Variants in ARRB1 observed in about 807,000 individuals in gnomAD.
ARRB1 encodes the protein arrestin beta 1.
ARRB1 carries 21 observed loss-of-function variants against 56.8 expected under a neutral mutation model. The ratio of observed to expected loss-of-function variants is 0.37; its 90% CI spans 0.26 to 0.53. ARRB1 has a LOEUF of 0.53. Ranked by LOEUF, ARRB1 falls within the 20% of genes least tolerant of loss-of-function variation. ARRB1 has a pLI of 0.88. For synonymous variants in ARRB1, 210 were observed against 218.6 expected (o/e 0.96, Z 0.35); for missense variants, 424 against 553.7 (o/e 0.77, Z 2.35).
chr11:75,284,457 C>T (rs1946427219), intron 3 of ARRB1, 178 bp from the exon 4 acceptor site: 2 of 526,746 alleles, frequency 3.8e-6, no homozygotes, highest in East Asian at 3.1e-5. Flanking sequence ...CTCCACCCTT[C>T]CCCCATCCCA....
At chr11:75,289,328 A>G (rs767863537) in intron 2 of ARRB1, among the ~76,000 whole-genome samples, 9 of 152,136 alleles carry the variant, frequency 5.9e-5, no homozygotes, top group Admixed American at 1.3e-4. Context: ...CTTGCTGGAA[A>G]TGCATCCCTC....
chr11:75,316,459 G>T (rs1947267259), intron 1 of ARRB1, among the ~76,000 whole-genome samples: 1 of 152,162 alleles, frequency 6.6e-6, no homozygotes. Context: ...TAGGCTAGAG[G>T]AACTCCTAAT....
intron 4 of ARRB1, among the ~76,000 whole-genome samples, chr11:75,283,899 C>T (rs1433220821): frequency 1.3e-5 from 2 of 152,120 alleles, no homozygotes; most frequent in Non-Finnish European, 2.9e-5. Context: ...CTTGTCACAG[C>T]TCAGTCTGCA....
At chr11:75,270,876 G>A (rs1035444525) in intron 13 of ARRB1, 2 of 152,092 alleles carry the variant, frequency 1.3e-5, no homozygotes, top group Non-Finnish European at 2.9e-5. Flanking sequence ...GAACCTGGGG[G>A]TTTTATAAGG....
In ARRB1 at chr11:75,311,972, G is replaced by A; in HGVS notation, c.21-21933C>T. ...CAGAGGAACCAAGCAGCAGGGCCTG[G>A]GCCGAGGGGCTGGGAAAAAGCTGAC... On this transcript the variant is annotated intron_variant, in intron 1 of 15. Transcript: ENST00000420843. The A allele has an allele frequency of 2.5e-6, 3 of 1,205,634 alleles. No homozygotes were observed. In the Admixed American group the frequency reaches 6.9e-5, roughly 28 times the overall value. 74.7% of individuals were successfully genotyped at this position (1,205,634 alleles called of 1,614,324 possible).
At chr11:75,346,667 G>A (rs555412706) in intron 1 of ARRB1, among the ~76,000 whole-genome samples, 2 of 152,276 alleles carry the variant, frequency 1.3e-5, no homozygotes, top group East Asian at 1.9e-4. Flanking sequence ...CTGTGGGTCT[G>A]TCCCTGCTTC....
Position 75,266,180 on chromosome 11 carries a change from G to C in ARRB1, c.1240C>G (p.Gln414Glu). 6.2e-7 allele frequency: 1 copy of C among 1,614,228 alleles called. No homozygotes were observed. The highest frequency in any genetic ancestry group is 8.5e-7 in the Non-Finnish European group (1 of 1,180,026). ...EEEEDGTGSP[Q>E]LNNR ...CGGCCCGTCTATCTGTTGTTGAGCT[G>C]TGGAGAGCCGGTACCATCCTCCTCT... Residue 414 changes from glutamine to glutamate, a missense_variant, in exon 16 of 16, where the codon CAG (glutamine) becomes GAG (glutamate). By Grantham distance (29) the Gln-to-Glu change is conservative. Transcript: ENST00000420843.
At chr11:75,330,208 C>T (rs1358724460) in intron 1 of ARRB1, among the ~76,000 whole-genome samples, 1 of 152,236 alleles carries the variant, frequency 6.6e-6, no homozygotes, top group Non-Finnish European at 1.5e-5. Context: ...TGTGTTCAGA[C>T]AAATTGCTGA....
chr11:75,282,161 C>T (rs1946359110), intron 5 of ARRB1, 140 bp from the exon 6 acceptor site: 1 of 764,064 alleles, frequency 1.3e-6, no homozygotes, highest in Admixed American at 2.7e-5. Flanking sequence ...CAGACCATGC[C>T]AAGCCATGCC....
chr11:75,281,900 C>T (rs1239323571), intron 6 of ARRB1, 62 bp downstream of exon 6: 5 of 1,557,350 alleles, frequency 3.2e-6, no homozygotes, highest in Middle Eastern at 1.7e-4. Flanking sequence ...AGGGAGAAAG[C>T]CAGGGACCTG....
At chr11:75,287,502 T>G (rs1482838003) in intron 2 of ARRB1, 127 bp from the exon 3 acceptor site, 2 of 900,162 alleles carry the variant, frequency 2.2e-6, no homozygotes, top group Non-Finnish European at 3.3e-6. Context: ...ATCAAAATCC[T>G]AAGTGGACTT....
At chr11:75,305,567 C>G (rs1474547857) in intron 1 of ARRB1, among the ~76,000 whole-genome samples, 1 of 151,998 alleles carries the variant, frequency 6.6e-6, no homozygotes, top group African/African-American at 2.4e-5. Flanking sequence ...TGCTAAAATC[C>G]CCCACCCTTC....
At position 75,340,874 on chromosome 11, in the gene ARRB1, C is replaced by T. The variant is rs1034123813; in HGVS notation, c.20+10714G>A. Among the ~76,000 whole-genome samples the T allele has an allele frequency of 1.1e-4, 17 of 152,252 alleles. No homozygotes were observed. In the East Asian group the frequency reaches 2.9e-3, roughly 26 times the overall value. The stretch of plus-strand genomic sequence containing the variant: ...CCCCACTTCCTCCTAGAGAATCTGC[C>T]GTGGGTGAGGGGCCAGAGGGGAGTG... On this transcript the variant is annotated intron_variant, in intron 1 of 15. Coordinates refer to ENST00000420843, the MANE Select transcript of ARRB1 (RefSeq NM_004041.5).
At chr11:75,301,818 T>A (rs1323872180) in intron 1 of ARRB1, among the ~76,000 whole-genome samples, 1 of 152,082 alleles carries the variant, frequency 6.6e-6, no homozygotes, top group Non-Finnish European at 1.5e-5. Context: ...TTCCCAGCCC[T>A]CCCTGTGTCA....
At chr11:75,269,239 A>G (rs767693995) in intron 13 of ARRB1, 2 of 669,624 alleles carry the variant, frequency 3.0e-6, no homozygotes, top group African/African-American at 3.5e-5. Context: ...AGGGGTGGGA[A>G]AGGATTGCCC....
intron 1 of ARRB1, chr11:75,306,482 G>A (rs181862146): frequency 2.6e-6 from 2 of 772,508 alleles, no homozygotes; most frequent in East Asian, 1.3e-4. Flanking sequence ...CATGGAGAGA[G>A]GAAGAAATCA....
At chr11:75,317,050 CA>C (rs1263680492) in intron 1 of ARRB1, among the ~76,000 whole-genome samples, 1 of 152,188 alleles carries the variant, frequency 6.6e-6, no homozygotes, top group African/African-American at 2.4e-5. Context: ...GCCTGGGCAA[CA>C]GAGCGAGACT....
Position 75,262,281 on chromosome 11 carries a change from G to A in ARRB1, c.*3882C>T, listed in dbSNP as rs892326031. 4 of 152,210 alleles carry A rather than the reference G, an allele frequency of 2.6e-5. No individual in the cohort carries two copies. The highest frequency in any genetic ancestry group is 9.7e-5 in the African/African-American group (4 of 41,440). The allele number at this position is 152,210 out of a possible 1,614,324, so 9.4% of individuals were successfully genotyped here. On this transcript the variant is annotated 3_prime_UTR_variant, in exon 16 of 16. Coordinates refer to ENST00000420843, the MANE Select transcript of ARRB1 (RefSeq NM_004041.5). ...GGCCTCTGTGGGGTCTGAGAGATGG[G>A]AGATGTGACACCAGGCCTAGGAGGG...
chr11:75,301,073 G>A (rs1279869144), intron 1 of ARRB1, among the ~76,000 whole-genome samples: 1 of 151,886 alleles, frequency 6.6e-6, no homozygotes, highest in African/African-American at 2.4e-5. Flanking sequence ...GAACCCAGGA[G>A]GAGGAAGTGG....
Sources: allele counts gnomAD v4.1 joint callset (sites outside exome capture counted in the v4.1 genomes callset), GRCh38; gene constraint gnomAD v4.1.1; transcripts MANE v1.5; gene names NCBI Gene and HGNC (gene_info 2026-07-23, HGNC 2026-07-21).